ARHGEF15: variants seen among roughly 807,000 people sequenced by gnomAD.
ARHGEF15 encodes the protein Rho guanine nucleotide exchange factor 15, also known as Rho guanine nucleotide exchange factor (GEF) 15.
A neutral mutation model predicts 79.7 loss-of-function variants in ARHGEF15; 58 were observed. The observed-to-expected ratio is 0.73, with a 90% confidence interval of 0.59 to 0.91. ARHGEF15 has a LOEUF of 0.91. Ranked by LOEUF, ARHGEF15 falls within the 40% of genes least tolerant of loss-of-function variation. The pLI, the probability that ARHGEF15 is intolerant of heterozygous loss-of-function variation, is 0.00. For synonymous variants in ARHGEF15, 442 were observed against 456.0 expected (o/e 0.97, Z 0.39); for missense variants, 1,012 against 1,108.1 (o/e 0.91, Z 1.23).
chr17:8,313,004 G>C lies in ARHGEF15; in HGVS notation c.684G>C (p.Val228=), dbSNP rs1248118539. 4.3e-6 allele frequency: 7 copies of C among 1,611,328 alleles called. No individual in the cohort carries two copies. In the South Asian group the frequency reaches 5.5e-5, roughly 13 times the overall value. The part of the protein sequence containing the change: ...RPGLELRWVP[V]GGYEEVPRVP... ...GCCTGGAGCTCAGATGGGTGCCTGT[G>C]GGGGGCTATGAGGAGGTCCCCAGGG... The change falls in exon 3 of 16, where the codon GTG becomes GTC. Residue 228 remains valine, a synonymous_variant. Transcript: ENST00000361926.
In ARHGEF15 at chr17:8,315,342, G is replaced by A; in HGVS notation, c.1260+65G>A. On this transcript the variant is annotated intron_variant, in intron 6 of 15. Coordinates refer to ENST00000361926, the MANE Select transcript of ARHGEF15 (RefSeq NM_173728.4). The surrounding 1 kb of genome is among the most constrained non-coding windows in gnomAD (Gnocchi z 4.3). ...GTTGGGCTGCATGGGTCAGGCATAGGGGAGGAGGGCCCAGGGTCCTAGCTT... is the reference window on the plus strand; with the variant it reads ...GTTGGGCTGCATGGGTCAGGCATAGAGGAGGAGGGCCCAGGGTCCTAGCTT... The A allele has an allele frequency of 6.2e-7, 1 of 1,611,706 alleles. No individual in the cohort carries two copies. The highest frequency in any genetic ancestry group is 8.5e-7 in the Non-Finnish European group (1 of 1,178,670).
chr17:8,311,249 A>T (rs9911486), intron 1 of ARHGEF15, among the ~76,000 whole-genome samples: 2 of 151,768 alleles, frequency 1.3e-5, no homozygotes, highest in Admixed American at 6.6e-5. Flanking sequence ...CCCAGGCCGC[A>T]GCGCCCTGGC....
rs1267254209 is a variant in ARHGEF15, at chr17:8,313,671, G to A, written c.989+116G>A. 4 of 1,089,204 alleles carry A rather than the reference G, an allele frequency of 3.7e-6. No homozygotes were observed. The Admixed American group carries it at 7.1e-5, about 19-fold the overall frequency. The allele number at this position is 1,089,204 out of a possible 1,614,324, so 67.5% of individuals were successfully genotyped here. A position where few individuals can be genotyped will look rare whatever the true frequency, so the allele number is the denominator to read the frequency against. On this transcript the variant is annotated intron_variant, in intron 4 of 15. Coordinates refer to ENST00000361926, the MANE Select transcript of ARHGEF15 (RefSeq NM_173728.4). ...ACCTCCACAAAGGTGAGGGGACAAG[G>A]GCCAGGGCTCTAGAGATAAGCAGCC...
At chr17:8,311,905 A>C in intron 1 of ARHGEF15, 86 bp from the exon 2 acceptor site, 1 of 859,244 alleles carries the variant, frequency 1.2e-6, no homozygotes, top group Non-Finnish European at 1.7e-6. Context: ...TTCCCTCCTG[A>C]CTTCAAAATC....
chr17:8,316,500 T>C (rs1194874357), intron 9 of ARHGEF15, among the ~76,000 whole-genome samples: 2 of 152,150 alleles, frequency 1.3e-5, no homozygotes, highest in African/African-American at 4.8e-5. Context: ...GTTTTTGAGG[T>C]TGTCTCTGGC....
Position 8,318,472 on chromosome 17 carries a change from G to A in ARHGEF15, c.1779+11G>A, listed in dbSNP as rs1905166718. The A allele has an allele frequency of 1.2e-6, 2 of 1,614,062 alleles. No homozygotes were observed. Among genetic ancestry groups the A allele is most frequent in the Non-Finnish European group, 1.7e-6 (2 of 1,180,004 alleles). ...GGTGCTGTCAGCAAGGTGGGCAGTG[G>A]GGAAGCTGAAGCAGGGGGAGGTGAC... On this transcript the variant is annotated intron_variant, in intron 10 of 15. Transcript: ENST00000361926. This position sits in a 1 kb window ranked among gnomAD's most constrained non-coding sequence, Gnocchi z 5.0.
Position 8,312,422 on chromosome 17 carries a change from G to A in ARHGEF15, c.383G>A (p.Cys128Tyr). Reference sequence around the variant, plus strand: ...CCACCCAAGCCGTCTGGGTCACCCTGCACGCCTCTGCTCCCCATGGCTGGA... The same window carrying A: ...CCACCCAAGCCGTCTGGGTCACCCTACACGCCTCTGCTCCCCATGGCTGGA... ...VPPPKPSGSP[C>Y]TPLLPMAGVL... is the part of the protein sequence containing the mutation. Residue 128 changes from cysteine to tyrosine, a missense_variant, in exon 2 of 16, where the codon TGC (cysteine) becomes TAC (tyrosine). By Grantham distance (194) the Cys-to-Tyr change is radical. This residue lies in a region of ARHGEF15 where 818 missense variants were observed against 882.5 expected (regional missense o/e 0.93). Transcript: ENST00000361926. 1 of 1,613,706 alleles carries A rather than the reference G, an allele frequency of 6.2e-7. No individual in the cohort carries two copies. Among genetic ancestry groups the A allele is most frequent in the Non-Finnish European group, 8.5e-7 (1 of 1,179,848 alleles).
chr17:8,312,004 C>A lies in ARHGEF15; in HGVS notation c.-36C>A. ...CCTCCTCCTCAGGGGATGACTCCAG[C>A]AGAGCACCTCACTCCTTTGAAGAGC... On this transcript the variant is annotated 5_prime_UTR_variant, in exon 2 of 16. Transcript: ENST00000361926. 1 of 1,529,304 alleles carries A rather than the reference C, an allele frequency of 6.5e-7. No homozygotes were observed. The highest frequency in any genetic ancestry group is 8.8e-7 in the Non-Finnish European group (1 of 1,141,296). The allele number at this position is 1,529,304 out of a possible 1,614,324, so 94.7% of individuals were successfully genotyped here.
chr17:8,317,595 G>A (rs1034851192), intron 9 of ARHGEF15, among the ~76,000 whole-genome samples: 1 of 152,134 alleles, frequency 6.6e-6, no homozygotes, highest in Non-Finnish European at 1.5e-5. Flanking sequence ...GCAACTATGT[G>A]AGGGTAGGAA....
chr17:8,314,793 G>A (rs942176110), intron 4 of ARHGEF15, 113 bp from the exon 5 acceptor site: 43 of 1,244,606 alleles, frequency 3.5e-5, no homozygotes, highest in Middle Eastern at 2.8e-4. Flanking sequence ...GAGCCGTCAG[G>A]GTCCCTACAT....
chr17:8,314,888 C>T lies in ARHGEF15; in HGVS notation c.990-18C>T. ...CAGTGGTGGCCCTGGGGACTTCCTTCCCTTTCTTTCTCCACAGGGAAGAGG... is the reference window on the plus strand; with the variant it reads ...CAGTGGTGGCCCTGGGGACTTCCTTTCCTTTCTTTCTCCACAGGGAAGAGG... On this transcript the variant is annotated intron_variant, in intron 4 of 15. Coordinates refer to ENST00000361926, the MANE Select transcript of ARHGEF15 (RefSeq NM_173728.4). The T allele has an allele frequency of 6.2e-7, 1 of 1,613,516 alleles. No homozygotes were observed. The highest frequency in any genetic ancestry group is 8.5e-7 in the Non-Finnish European group (1 of 1,179,850).
chr17:8,314,546 G>A (rs986467676), intron 4 of ARHGEF15, among the ~76,000 whole-genome samples: 2 of 152,078 alleles, frequency 1.3e-5, no homozygotes, highest in African/African-American at 2.4e-5. Flanking sequence ...GTCTGCAATA[G>A]TTGACATAAG....
chr17:8,315,923 G>A lies in ARHGEF15; in HGVS notation c.1574+16G>A. ...GCCGCCTCATGTGAGTGTCCCAGGG[G>A]TGGGGAGGAAGCTGGGGAGAGGGAT... On this transcript the variant is annotated intron_variant, in intron 8 of 15. Transcript: ENST00000361926. The surrounding 1 kb of genome is among the most constrained non-coding windows in gnomAD (Gnocchi z 4.3). The A allele has an allele frequency of 6.2e-7, 1 of 1,606,858 alleles. No individual in the cohort carries two copies. The highest frequency in any genetic ancestry group is 1.1e-5 in the South Asian group (1 of 91,068).
Position 8,313,152 on chromosome 17 carries a change from C to G in ARHGEF15, c.832C>G (p.Leu278Val). The G allele has an allele frequency of 5.0e-6, 8 of 1,612,836 alleles. No individual in the cohort carries two copies. In the South Asian group the frequency reaches 7.7e-5, roughly 15 times the overall value. Residue 278 changes from leucine to valine, a missense_variant, in exon 3 of 16, where the codon CTC (leucine) becomes GTC (valine). Leu to Val is a conservative substitution (Grantham distance 32). This residue lies in a region of ARHGEF15 where 818 missense variants were observed against 882.5 expected (regional missense o/e 0.93). Coordinates refer to ENST00000361926, the MANE Select transcript of ARHGEF15 (RefSeq NM_173728.4). ...TGCTGAGCGCAAACTCCTGCCACTC[C>G]TCAAGCCTCCCAAACCAACTCGTGT... ...STAERKLLPL[L>V]KPPKPTRVRQ...
Position 8,313,057 on chromosome 17 carries a change from C to T in ARHGEF15, c.737C>T (p.Thr246Ile), listed in dbSNP as rs760027686. The T allele has an allele frequency of 1.2e-6, 2 of 1,613,426 alleles. No homozygotes were observed. Among genetic ancestry groups the T allele is most frequent in the Non-Finnish European group, 1.7e-6 (2 of 1,179,832 alleles). Residue 246 changes from threonine to isoleucine, a missense_variant, in exon 3 of 16, where the codon ACC becomes ATC. Physicochemically the swap from Thr to Ile is moderately conservative, Grantham distance 89 (BLOSUM62 -1). Transcript: ENST00000361926. ...CCCCGTCGGGCCTCCCCGCTGCGGA[C>T]CTCTCGCTCCCGCCCCCACCCTCCA... ...RVPRRASPLR[T>I]SRSRPHPPSI...
intron 4 of ARHGEF15, among the ~76,000 whole-genome samples, chr17:8,314,435 G>T (rs1904870272): frequency 6.6e-6 from 1 of 152,074 alleles, no homozygotes; most frequent in Non-Finnish European, 1.5e-5. Context: ...AGGTGTGAGA[G>T]TTTGCAGTCC....
chr17:8,311,112 C>T (rs1010512352), intron 1 of ARHGEF15, among the ~76,000 whole-genome samples: 12 of 152,106 alleles, frequency 7.9e-5, no homozygotes, highest in South Asian at 4.1e-4. Flanking sequence ...GGAGCCAGTC[C>T]GAGGCCTGGA....
intron 1 of ARHGEF15, chr17:8,310,767 A>AC (rs1555546474): frequency 6.7e-6 from 1 of 150,358 alleles, no homozygotes; most frequent in Non-Finnish European, 1.5e-5. Flanking sequence ...GTGGTTCGTG[A>AC]GGGGGGGGTG....
chr17:8,320,908 A>C lies in ARHGEF15; in HGVS notation c.2441A>C (p.Glu814Ala), dbSNP rs763375022. Residue 814 changes from glutamate to alanine, a missense_variant, in exon 16 of 16, where the codon GAA becomes GCA. Physicochemically the swap from Glu to Ala is moderately radical, Grantham distance 107 (BLOSUM62 -1). Around this residue, in one of 3 missense-constraint regions of ARHGEF15, gnomAD observed 132 missense variants for 124.2 expected, o/e 1.06. Coordinates refer to ENST00000361926, the MANE Select transcript of ARHGEF15 (RefSeq NM_173728.4). ...GTGTGTGAAGTCACAGGGGAACACG[A>C]AAGGAGGAGGCACCTTCGCCAGAAC... ...QLVCEVTGEHERRRHLRQNQR... is the reference protein window; with the variant it reads ...QLVCEVTGEHARRRHLRQNQR... The C allele has an allele frequency of 1.2e-6, 2 of 1,613,956 alleles. No individual in the cohort carries two copies. The highest frequency in any genetic ancestry group is 2.2e-5 in the South Asian group (2 of 91,062).
Sources: gnomAD v4.1 joint callset for allele counts (sites outside exome capture counted in the v4.1 genomes callset) on GRCh38, gnomAD v4.1.1 for gene constraint, gnomAD v4.1.1 regional missense constraint, Gnocchi (gnomAD v3.1) non-coding constraint, MANE v1.5 for transcripts, NCBI Gene and HGNC (gene_info 2026-07-23, HGNC 2026-07-21) for gene names.